The following NSD1 variants were observed in gnomAD, a reference collection of about 807,000 sequenced individuals.
NSD1 encodes the protein histone-lysine N-methyltransferase, H3 lysine-36 specific.
NSD1 carries 26 observed loss-of-function variants against 242.7 expected under a neutral mutation model. The observed-to-expected ratio is 0.11, with a 90% CI of 0.08 to 0.15. The LOEUF is 0.15. NSD1 is among the 10% of genes least tolerant of loss of function. The probability of loss-of-function intolerance (pLI) is 1.00; values close to 1 mark genes in which losing one functional copy is unlikely to be tolerated. For synonymous variants in NSD1, 1,106 were observed against 1,178.1 expected (o/e 0.94, Z 1.25); for missense variants, 2,495 against 3,272.8 (o/e 0.76, Z 5.80).
chr5:177,289,989 G>A (rs935715131), intron 21 of NSD1, among the ~76,000 whole-genome samples: 13 of 151,302 alleles, frequency 8.6e-5, no homozygotes, highest in South Asian at 2.1e-4. Context: ...CACCATGCCC[G>A]GCTAATTTTT....
At chr5:177,284,938 A>G (rs535480411) in intron 20 of NSD1, among the ~76,000 whole-genome samples, 1 of 152,284 alleles carries the variant, frequency 6.6e-6, no homozygotes, top group South Asian at 2.1e-4. Flanking sequence ...TCTGACTCTT[A>G]AAAACACACA....
chr5:177,192,475 C>G (rs1238720153), intron 3 of NSD1, among the ~76,000 whole-genome samples: 1 of 152,102 alleles, frequency 6.6e-6, no homozygotes, highest in Non-Finnish European at 1.5e-5. Flanking sequence ...CAGCTTACCG[C>G]AACCTCTGCC....
chr5:177,237,883 A>C (rs1410394058), intron 6 of NSD1, among the ~76,000 whole-genome samples: 2 of 152,120 alleles, frequency 1.3e-5, no homozygotes, highest in African/African-American at 2.4e-5. Context: ...GCACAGTTAG[A>C]TTGTTGTGCA....
intron 21 of NSD1, among the ~76,000 whole-genome samples, chr5:177,290,106 G>A (rs957008653): frequency 6.6e-6 from 1 of 151,302 alleles, no homozygotes; most frequent in South Asian, 2.1e-4. Context: ...GGGATTACAG[G>A]CGTGAGCCAC....
At position 177,297,017 on chromosome 5, in the gene NSD1, A is replaced by G. The variant is rs972476772; in HGVS notation, c.*1558A>G. The G allele has an allele frequency of 1.7e-5, 4 of 233,292 alleles. No homozygotes were observed. The highest frequency in any genetic ancestry group is 2.5e-5 in the Non-Finnish European group (3 of 118,030). 14.5% of individuals were successfully genotyped at this position (233,292 alleles called of 1,614,324 possible). A position where few individuals can be genotyped will look rare whatever the true frequency, so the allele number is the denominator to read the frequency against. On this transcript the variant is annotated 3_prime_UTR_variant, in exon 23 of 23. Coordinates refer to ENST00000439151, the MANE Select transcript of NSD1 (RefSeq NM_022455.5). ...TTGGTCCCAATTTCCTCAAGTTCTT[A>G]TTGAGGTTACTCCCATCAATTCCAC...
At chr5:177,190,966 C>CTTTT (rs70991598) in intron 2 of NSD1, among the ~76,000 whole-genome samples, 8 of 127,372 alleles carry the variant, frequency 6.3e-5, no homozygotes, top group African/African-American at 1.5e-4. Flanking sequence ...TGCACCCAGC[C>CTTTT]TTTTTTTTTT....
chr5:177,192,760 A>C (rs1209736337), intron 3 of NSD1, among the ~76,000 whole-genome samples: 11 of 152,114 alleles, frequency 7.2e-5, no homozygotes, highest in Non-Finnish European at 1.5e-4. Context: ...TGAACTCCTG[A>C]GATGAGGTGA....
At chr5:177,227,983 A>AT (rs1054412742) in intron 5 of NSD1, among the ~76,000 whole-genome samples, 27 of 146,832 alleles carry the variant, frequency 1.8e-4, no homozygotes, top group South Asian at 1.7e-3. Flanking sequence ...TTTGTAATTT[A>AT]TTTTTTTTTG....
At chr5:177,164,972 T>G (rs1299062063) in intron 2 of NSD1, among the ~76,000 whole-genome samples, 1 of 151,006 alleles carries the variant, frequency 6.6e-6, no homozygotes, top group Non-Finnish European at 1.5e-5. Flanking sequence ...GAGGTAAAAT[T>G]TAAATAACTT....
chr5:177,158,236 A>AATTT lies in NSD1; in HGVS notation c.927+22207_927+22210dup, dbSNP rs1316375987. 9.9e-3 allele frequency among the ~76,000 whole-genome samples: 1,108 copies of AATTT among 112,020 alleles called. 9 individuals carry two copies. Among genetic ancestry groups the AATTT allele is most frequent in the Non-Finnish European group, 0.013 (645 of 51,108 alleles). The allele number at this position is 112,020 out of a possible 152,430, so 73.5% of individuals were successfully genotyped here. On this transcript the variant is annotated intron_variant, in intron 2 of 22. Coordinates refer to ENST00000439151, the MANE Select transcript of NSD1 (RefSeq NM_022455.5). Reference sequence around the variant, plus strand: ...TCCTACTTTAGCCTATATGGGTTCTAATTTCTTTCTTTCTTTCTTTCTTTC... The same window carrying AATTT: ...TCCTACTTTAGCCTATATGGGTTCTAATTTATTTCTTTCTTTCTTTCTTTCTTTC...
At chr5:177,175,879 C>CTT (rs778560139) in intron 2 of NSD1, among the ~76,000 whole-genome samples, 2 of 142,796 alleles carry the variant, frequency 1.4e-5, no homozygotes, top group African/African-American at 2.6e-5. Context: ...TGCAAAAATT[C>CTT]TTTTTTTTTT....
At chr5:177,282,426 C>CT (rs756064571) in intron 18 of NSD1, 39 bp from the exon 19 acceptor site, 7 of 1,336,766 alleles carry the variant, frequency 5.2e-6, no homozygotes, top group Middle Eastern at 2.4e-4. Context: ...TACCAGTGTC[C>CT]TTTTTTGCCA....
Position 177,248,471 on chromosome 5 carries a change from C to CT in NSD1, c.4641+154dup, listed in dbSNP as rs35926476. The stretch of plus-strand genomic sequence containing the variant: ...GTCACTTTCTTTAAGGATTTGACCC[C>CT]TTTTTTTCTCCCCACAAAGAAAGAT... On this transcript the variant is annotated intron_variant, in intron 11 of 22. Coordinates refer to ENST00000439151, the MANE Select transcript of NSD1 (RefSeq NM_022455.5). 1.6e-4 allele frequency: 170 copies of CT among 1,077,486 alleles called. 3 individuals carry two copies. The East Asian group carries it at 4.1e-3, about 26-fold the overall frequency. 66.7% of individuals were successfully genotyped at this position (1,077,486 alleles called of 1,614,324 possible). A position where few individuals can be genotyped will look rare whatever the true frequency, so the allele number is the denominator to read the frequency against.
intron 3 of NSD1, among the ~76,000 whole-genome samples, chr5:177,193,867 C>T (rs911099983): frequency 2.0e-5 from 3 of 151,954 alleles, no homozygotes; most frequent in East Asian, 1.9e-4. Context: ...CTCTGCCTCC[C>T]GGGTTCAAGC....
At chr5:177,232,811 G>A (rs1330729163) in intron 5 of NSD1, among the ~76,000 whole-genome samples, 1 of 152,204 alleles carries the variant, frequency 6.6e-6, no homozygotes, top group Non-Finnish European at 1.5e-5. Context: ...AATAAGAAAG[G>A]AGGAAGAATT....
intron 5 of NSD1, among the ~76,000 whole-genome samples, chr5:177,230,093 T>C (rs1281763999): frequency 1.3e-5 from 2 of 152,122 alleles, no homozygotes; most frequent in African/African-American, 4.8e-5. Context: ...GCTGTTTCAC[T>C]TACAATATGT....
chr5:177,156,984 A>G (rs1369764579), intron 2 of NSD1, among the ~76,000 whole-genome samples: 2 of 152,186 alleles, frequency 1.3e-5, no homozygotes, highest in Non-Finnish European at 2.9e-5. Flanking sequence ...ATAAATAAAT[A>G]AATAAATAAA....
At chr5:177,229,687 G>C in intron 5 of NSD1, 1 of 359,328 alleles carries the variant, frequency 2.8e-6, no homozygotes, top group South Asian at 2.0e-5. Context: ...AGTTGGGGTA[G>C]TTGAGGCAAG....
chr5:177,269,938 A>G lies in NSD1; in HGVS notation c.5509+131A>G, dbSNP rs1479934037. On this transcript the variant is annotated intron_variant, in intron 16 of 22. Transcript: ENST00000439151. The surrounding 1 kb of genome is among the most constrained non-coding windows in gnomAD (Gnocchi z 5.1). ...CTCTCAGGGCATTATCTGGCTGCAA[A>G]TACAGTATTTTGCAAGGAAGTTGAC... 1.4e-6 allele frequency: 1 copy of G among 733,132 alleles called. No individual in the cohort carries two copies. The highest frequency in any genetic ancestry group is 2.2e-6 in the Non-Finnish European group (1 of 452,216). 45.4% of individuals were successfully genotyped at this position (733,132 alleles called of 1,614,324 possible). A position where few individuals can be genotyped will look rare whatever the true frequency, so the allele number is the denominator to read the frequency against.
Sources: allele counts gnomAD v4.1 joint callset (sites outside exome capture counted in the v4.1 genomes callset), GRCh38; gene constraint gnomAD v4.1.1; non-coding constraint Gnocchi (gnomAD v3.1); transcripts MANE v1.5; gene names NCBI Gene and HGNC (gene_info 2026-07-23, HGNC 2026-07-21).